Variants in MYO16 observed in about 807,000 individuals in gnomAD.
MYO16 encodes unconventional myosin-XVI.
Under a neutral mutation model 205.3 loss-of-function variants are expected in MYO16, and 94 were observed. That is an observed-to-expected ratio of 0.46 (90% CI 0.39 to 0.54). MYO16 has a LOEUF of 0.54. MYO16 is among the 20% of genes least tolerant of loss of function. The pLI is 0.00. For synonymous variants in MYO16, 988 were observed against 954.0 expected, an observed-to-expected ratio of 1.04 and a Z score of -0.66; for missense variants, 2,315 against 2,387.5, an observed-to-expected ratio of 0.97 and a Z score of 0.63.
intron 27 of MYO16, among the ~76,000 whole-genome samples, chr13:109,058,170 C>T (rs1286377338): frequency 6.6e-6 from 1 of 152,080 alleles, no homozygotes; most frequent in Non-Finnish European, 1.5e-5. Flanking sequence ...TTTGAGAACC[C>T]CTGGCATGGA....
rs912976961 is a variant in MYO16 at position 109,055,686 on chromosome 13, G to C, written c.3335+91G>C. ...ACTATTGTAGCAAGGGTCTTCTGTT[G>C]TCTTTTTTGGCACTGCTTTTGTTGT... On this transcript the variant is annotated intron_variant, in intron 27 of 34. Coordinates refer to ENST00000457511, the MANE Select transcript of MYO16 (RefSeq NM_001198950.3). This position sits in a 1 kb window ranked among gnomAD's most constrained non-coding sequence, Gnocchi z 5.0. 73 of 1,184,684 alleles carry C rather than the reference G, an allele frequency of 6.2e-5. No individual in the cohort carries two copies. In the African/African-American group the frequency reaches 9.3e-4, roughly 15 times the overall value. 73.4% of individuals were successfully genotyped at this position (1,184,684 alleles called of 1,614,324 possible).
At chr13:108,578,610 C>T in the MYO16 span, among the ~76,000 whole-genome samples, 1 of 152,206 alleles carries the variant, frequency 6.6e-6, no homozygotes, top group Non-Finnish European at 1.5e-5. Context: ...AGGGGTCCCA[C>T]TCTTCCCTCC....
intron 28 of MYO16, among the ~76,000 whole-genome samples, chr13:109,116,115 T>C (rs1377365545): frequency 6.6e-6 from 1 of 152,138 alleles, no homozygotes; most frequent in African/African-American, 2.4e-5. Flanking sequence ...CCATAAAATA[T>C]GCCCAAGTAG....
At chr13:108,772,821 G>A (rs749701011) in intron 4 of MYO16, among the ~76,000 whole-genome samples, 13 of 152,050 alleles carry the variant, frequency 8.5e-5, no homozygotes, top group Non-Finnish European at 1.8e-4. Flanking sequence ...TGTGTGTCGG[G>A]GGAGGATAAA....
rs1166689639 is a variant in MYO16, at chr13:109,207,407, GATT to G, written c.*575_*577del. On this transcript the variant is annotated 3_prime_UTR_variant, in exon 35 of 35. Coordinates refer to ENST00000457511, the MANE Select transcript of MYO16 (RefSeq NM_001198950.3). ...TACAGATTTTAAAAAATCATTTCTA[GATT>G]ATTTTTTTCCTCCACAGTCCTTTTT... 6.6e-6 allele frequency: 1 copy of G among 152,118 alleles called. No individual in the cohort carries two copies. Among genetic ancestry groups the G allele is most frequent in the East Asian group, 1.9e-4 (1 of 5,178 alleles). 9.4% of individuals were successfully genotyped at this position (152,118 alleles called of 1,614,324 possible). A position where few individuals can be genotyped will look rare whatever the true frequency, so the allele number is the denominator to read the frequency against.
At chr13:108,708,560 C>G (rs1350216812) in intron 2 of MYO16, among the ~76,000 whole-genome samples, 2 of 152,194 alleles carry the variant, frequency 1.3e-5, no homozygotes, top group Non-Finnish European at 2.9e-5. Flanking sequence ...TGTGATTGTC[C>G]TTCCCTCTGT....
At chr13:108,877,478 A>C (rs1195484220) in intron 12 of MYO16, among the ~76,000 whole-genome samples, 1 of 152,226 alleles carries the variant, frequency 6.6e-6, no homozygotes, top group Non-Finnish European at 1.5e-5. Flanking sequence ...GGAGGACTGC[A>C]TGAGTGAGTG....
At chr13:109,020,331 T>G (rs59401516) in intron 23 of MYO16, among the ~76,000 whole-genome samples, 2,572 of 152,314 alleles carry the variant, frequency 0.017, 75 homozygotes, top group African/African-American at 0.059. Context: ...CACTCTCTCA[T>G]ATCTTTCCCA....
At chr13:108,660,207 G>A (rs948972116) in intron 1 of MYO16, among the ~76,000 whole-genome samples, 1 of 152,136 alleles carries the variant, frequency 6.6e-6, no homozygotes, top group Non-Finnish European at 1.5e-5. Flanking sequence ...GTTTTTCAGG[G>A]GACATTTGCC....
intron 16 of MYO16, among the ~76,000 whole-genome samples, chr13:108,949,192 G>A (rs560017112): frequency 3.6e-4 from 55 of 152,222 alleles, no homozygotes; most frequent in African/African-American, 1.3e-3. Flanking sequence ...TGCTGGAGAA[G>A]GTGTGCTTTT....
At chr13:108,505,560 A>G in the MYO16 span, among the ~76,000 whole-genome samples, 1 of 152,162 alleles carries the variant, frequency 6.6e-6, no homozygotes. Flanking sequence ...AGCTCTTTAC[A>G]TATACTGGAT....
At chr13:109,064,170 G>A (rs973578762) in intron 27 of MYO16, among the ~76,000 whole-genome samples, 2 of 152,060 alleles carry the variant, frequency 1.3e-5, no homozygotes, top group Non-Finnish European at 2.9e-5. Context: ...ACATTTAAAC[G>A]GTTATATAAG....
intron 27 of MYO16, among the ~76,000 whole-genome samples, chr13:109,067,916 G>GA (rs1319611387): frequency 6.6e-6 from 1 of 152,104 alleles, no homozygotes; most frequent in African/African-American, 2.4e-5. Flanking sequence ...ATGTGAAAAT[G>GA]AAAATAAAAA....
At chr13:108,532,350 A>C in the MYO16 span, among the ~76,000 whole-genome samples, 1 of 151,996 alleles carries the variant, frequency 6.6e-6, no homozygotes, top group African/African-American at 2.4e-5. Flanking sequence ...ACAACATGGA[A>C]TTTATTGGTT....
At chr13:108,816,193 A>G (rs912170799) in intron 7 of MYO16, among the ~76,000 whole-genome samples, 1 of 152,190 alleles carries the variant, frequency 6.6e-6, no homozygotes, top group Non-Finnish European at 1.5e-5. Flanking sequence ...AAACTATAGT[A>G]TAATATTATG....
At chr13:109,053,295 C>A (rs1887309432) in intron 25 of MYO16, among the ~76,000 whole-genome samples, 6 of 151,480 alleles carry the variant, frequency 4.0e-5, no homozygotes, top group Admixed American at 4.0e-4. Flanking sequence ...AGAAGAGTGG[C>A]CAAAATGTGT....
At chr13:108,666,930 C>T (rs1242000878) in intron 2 of MYO16, among the ~76,000 whole-genome samples, 1 of 152,110 alleles carries the variant, frequency 6.6e-6, no homozygotes, top group South Asian at 2.1e-4. Flanking sequence ...TTGTACAAGG[C>T]TTCAAAGAAA....
At chr13:108,590,031 A>C in the MYO16 span, among the ~76,000 whole-genome samples, 1 of 152,328 alleles carries the variant, frequency 6.6e-6, no homozygotes, top group East Asian at 1.9e-4. Context: ...TATAGGAATA[A>C]ATATTTCATA....
the MYO16 span, among the ~76,000 whole-genome samples, chr13:108,517,328 G>T: frequency 6.6e-6 from 1 of 152,098 alleles, no homozygotes; most frequent in African/African-American, 2.4e-5. Flanking sequence ...AAGGGAGGGT[G>T]AAATCATATA....
Sources: allele counts gnomAD v4.1 joint callset (sites outside exome capture counted in the v4.1 genomes callset), GRCh38; gene constraint gnomAD v4.1.1; non-coding constraint Gnocchi (gnomAD v3.1); transcripts MANE v1.5; gene names NCBI Gene and HGNC (gene_info 2026-07-23, HGNC 2026-07-21).